CCDC91: variants seen among roughly 807,000 people sequenced by gnomAD.
CCDC91 encodes coiled-coil domain containing 91.
A neutral mutation model predicts 63.2 loss-of-function variants in CCDC91; 48 were observed. The ratio of observed to expected loss-of-function variants is 0.76; its 90% confidence interval spans 0.60 to 0.97. The LOEUF (loss-of-function observed/expected upper bound fraction) is 0.97, where lower values mean the gene tolerates loss of function less well. Among genes scored for constraint, CCDC91 ranks in the 50% least tolerant of loss-of-function variants. The pLI is 0.00. For missense variants in CCDC91, 500 were observed against 494.6 expected (o/e 1.01, Z -0.10); for synonymous variants, 167 against 165.8 (o/e 1.01, Z -0.06).
chr12:28,430,339 T>C (rs1256763341), intron 8 of CCDC91, among the ~76,000 whole-genome samples: 1 of 152,110 alleles, frequency 6.6e-6, no homozygotes, highest in East Asian at 1.9e-4. Context: ...GGATTTACTC[T>C]CTATTGTCAG....
chr12:28,326,497 C>T (rs1173435037), intron 6 of CCDC91, among the ~76,000 whole-genome samples: 2 of 149,968 alleles, frequency 1.3e-5, no homozygotes, highest in South Asian at 2.1e-4. Flanking sequence ...TGCGCTGCAC[C>T]CACTAACTCG....
chr12:28,274,245 C>T (rs1948022145), intron 3 of CCDC91, among the ~76,000 whole-genome samples: 1 of 152,080 alleles, frequency 6.6e-6, no homozygotes, highest in Non-Finnish European at 1.5e-5. Flanking sequence ...TTACTGTAGC[C>T]TTGGAGTGTA....
At position 28,372,783 on chromosome 12, in the gene CCDC91, A is replaced by G. The variant is rs80028026; in HGVS notation, c.654+10268A>G. Among the ~76,000 whole-genome samples, 289 of 152,274 alleles carry G rather than the reference A, an allele frequency of 1.9e-3. 2 individuals are homozygous for G. The highest frequency in any genetic ancestry group is 2.8e-3 in the Non-Finnish European group (189 of 68,020). ...AGTCATGTCATTGGCAAACAGAGAT[A>G]GTTCAAATTCCTGTTTTCCAATTTA... On this transcript the variant is annotated intron_variant, in intron 7 of 12. Transcript: ENST00000536442.
intron 1 of CCDC91, among the ~76,000 whole-genome samples, chr12:28,220,162 C>T (rs1214417303): frequency 1.3e-5 from 2 of 151,642 alleles, no homozygotes. Flanking sequence ...TCCTTTTTTT[C>T]CTTCTGCTTT....
chr12:28,422,465 C>T (rs1003489619), intron 8 of CCDC91, among the ~76,000 whole-genome samples: 30 of 151,918 alleles, frequency 2.0e-4, no homozygotes, highest in Non-Finnish European at 1.0e-4. Context: ...TTATTCTAAT[C>T]CATTCTAAGC....
intron 12 of CCDC91, among the ~76,000 whole-genome samples, chr12:28,513,563 G>A (rs533385356): frequency 2.6e-5 from 4 of 151,796 alleles, no homozygotes; most frequent in Admixed American, 6.6e-5. Context: ...TCCAAAATTC[G>A]AAACACTTCT....
intron 11 of CCDC91, among the ~76,000 whole-genome samples, chr12:28,466,668 A>G (rs1215442910): frequency 6.6e-6 from 1 of 152,130 alleles, no homozygotes; most frequent in Non-Finnish European, 1.5e-5. Context: ...GACAAAAGCT[A>G]TGGGATTTTA....
intron 8 of CCDC91, among the ~76,000 whole-genome samples, chr12:28,448,672 A>G (rs1949654015): frequency 6.6e-6 from 1 of 152,032 alleles, no homozygotes; most frequent in Non-Finnish European, 1.5e-5. Context: ...TTTAAGGAAC[A>G]TTTGTTTTCT....
intron 11 of CCDC91, among the ~76,000 whole-genome samples, chr12:28,460,791 C>CTG (rs921964129): frequency 7.1e-6 from 1 of 140,818 alleles, no homozygotes; most frequent in Non-Finnish European, 1.7e-5. Flanking sequence ...ATAAATATAT[C>CTG]TGTATGTGTG....
At chr12:28,352,073 A>G (rs556643121) in intron 6 of CCDC91, among the ~76,000 whole-genome samples, 3 of 152,250 alleles carry the variant, frequency 2.0e-5, no homozygotes, top group Non-Finnish European at 4.4e-5. Flanking sequence ...CATAAAAGTT[A>G]CATTTATACT....
intron 1 of CCDC91, among the ~76,000 whole-genome samples, chr12:28,218,569 A>G (rs1266191847): frequency 6.6e-6 from 1 of 152,086 alleles, no homozygotes; most frequent in African/African-American, 2.4e-5. Flanking sequence ...TCACTGCAGA[A>G]TGTTCCCTTG....
chr12:28,245,750 A>G (rs563526225), intron 1 of CCDC91, among the ~76,000 whole-genome samples: 1 of 152,300 alleles, frequency 6.6e-6, no homozygotes, highest in Admixed American at 6.5e-5. Flanking sequence ...CAGGGAAGTC[A>G]AATTAAGTAC....
At chr12:28,344,709 T>C (rs146856231) in intron 6 of CCDC91, among the ~76,000 whole-genome samples, 178 of 152,308 alleles carry the variant, frequency 1.2e-3, no homozygotes, top group African/African-American at 3.8e-3. Context: ...AGATTGTTGT[T>C]ATCTGTTTTA....
At chr12:28,338,245 G>T (rs1942140395) in intron 6 of CCDC91, among the ~76,000 whole-genome samples, 1 of 120,024 alleles carries the variant, frequency 8.3e-6, no homozygotes. Flanking sequence ...TACAGGTATT[G>T]GCCCTTATGG....
At chr12:28,193,927 C>T (rs185004058) in intron 1 of CCDC91, among the ~76,000 whole-genome samples, 276 of 152,278 alleles carry the variant, frequency 1.8e-3, no homozygotes, top group Middle Eastern at 6.8e-3. Flanking sequence ...GTGTTTTATA[C>T]AGTCTGGATA....
chr12:28,300,898 A>C (rs568650865), intron 3 of CCDC91, among the ~76,000 whole-genome samples: 4 of 151,698 alleles, frequency 2.6e-5, no homozygotes, highest in African/African-American at 9.6e-5. Context: ...TACATTCTCT[A>C]AATGGTTATT....
intron 7 of CCDC91, among the ~76,000 whole-genome samples, chr12:28,375,427 A>T (rs1438777364): frequency 6.6e-6 from 1 of 151,916 alleles, no homozygotes; most frequent in Non-Finnish European, 1.5e-5. Flanking sequence ...GGAATAAAAG[A>T]TTGTGGCCCA....
At chr12:28,225,058 C>T (rs1270950039) in intron 1 of CCDC91, among the ~76,000 whole-genome samples, 7 of 152,140 alleles carry the variant, frequency 4.6e-5, no homozygotes, top group Admixed American at 1.3e-4. Context: ...GAGCCCCATG[C>T]CCTGATGCCA....
At chr12:28,396,674 G>T (rs1946312315) in intron 8 of CCDC91, among the ~76,000 whole-genome samples, 1 of 149,968 alleles carries the variant, frequency 6.7e-6, no homozygotes, top group Non-Finnish European at 1.5e-5. Flanking sequence ...GTGTGTGTGT[G>T]TGTGTGGGCA....
Sources: gnomAD v4.1 joint callset for allele counts (sites outside exome capture counted in the v4.1 genomes callset) on GRCh38, gnomAD v4.1.1 for gene constraint, MANE v1.5 for transcripts, NCBI Gene and HGNC (gene_info 2026-07-23, HGNC 2026-07-21) for gene names.